Variants in WDR74 observed in about 807,000 individuals in gnomAD.
WDR74 encodes WD repeat domain 74.
In WDR74, 31 loss-of-function variants were observed where a neutral mutation model predicts 45.6. The ratio of observed to expected loss-of-function variants is 0.68; its 90% CI spans 0.51 to 0.92. WDR74 has a LOEUF of 0.92. Among genes scored for constraint, WDR74 ranks in the 40% least tolerant of loss-of-function variants. WDR74 has a pLI of 0.00. For missense variants in WDR74, 455 were observed against 497.2 expected, an observed-to-expected ratio of 0.92 and a Z score of 0.81; for synonymous variants, 191 against 192.4, an observed-to-expected ratio of 0.99 and a Z score of 0.06.
upstream of WDR74, among the ~76,000 whole-genome samples, chr11:62,840,989 C>G (rs1302307545): frequency 6.6e-6 from 1 of 151,750 alleles, no homozygotes; most frequent in African/African-American, 2.4e-5. Context: ...TCGAGACCAT[C>G]CTGGTTAACA....
intron 3 of WDR74, among the ~76,000 whole-genome samples, chr11:62,837,627 C>G (rs2084978909): frequency 6.6e-6 from 1 of 152,170 alleles, no homozygotes; most frequent in Non-Finnish European, 1.5e-5. Flanking sequence ...GCAGTACCCT[C>G]TTTCTAGAAT....
intron 8 of WDR74, 102 bp downstream of exon 8, chr11:62,834,174 C>A (rs2084922743): frequency 3.9e-6 from 6 of 1,549,744 alleles, no homozygotes; most frequent in Non-Finnish European, 5.3e-6. Flanking sequence ...GGCAATCTGG[C>A]ACCTGAATGA....
intron 10 of WDR74, 41 bp downstream of exon 10, chr11:62,833,577 C>A (rs1195201726): frequency 1.3e-6 from 2 of 1,550,884 alleles, no homozygotes; most frequent in African/African-American, 2.7e-5. Flanking sequence ...GTCCTCACAT[C>A]TATGCCCTTG....
intron 3 of WDR74, 194 bp from the exon 4 acceptor site, chr11:62,836,230 T>C: frequency 5.2e-6 from 3 of 582,456 alleles, no homozygotes; most frequent in South Asian, 2.1e-5. Flanking sequence ...TCTAGGTCAC[T>C]GGGCTCTAGG....
intron 3 of WDR74, among the ~76,000 whole-genome samples, chr11:62,837,704 T>TC (rs1400712834): frequency 3.3e-5 from 5 of 151,292 alleles, no homozygotes; most frequent in East Asian, 1.9e-4. Context: ...AGACATCCAG[T>TC]CCCCCCCACA....
upstream of WDR74, chr11:62,841,521 A>T (rs1176911285): frequency 2.0e-5 from 3 of 152,048 alleles, no homozygotes; most frequent in South Asian, 2.1e-4. Flanking sequence ...AGCGATAAAA[A>T]CACCTAATCC....
At chr11:62,835,905 C>A in intron 4 of WDR74, 56 bp downstream of exon 4, 1 of 1,585,258 alleles carries the variant, frequency 6.3e-7, no homozygotes, top group Non-Finnish European at 8.6e-7. Context: ...CCAGCGTGAT[C>A]ATTAGGCACC....
intron 3 of WDR74, among the ~76,000 whole-genome samples, chr11:62,838,713 G>A (rs2084996104): frequency 1.3e-5 from 2 of 150,532 alleles, no homozygotes; most frequent in South Asian, 4.2e-4. Flanking sequence ...AGCCGAGATC[G>A]CGCCACTGCA....
upstream of WDR74, chr11:62,841,672 G>T (rs568576572): frequency 1.3e-5 from 2 of 152,154 alleles, no homozygotes; most frequent in Admixed American, 1.3e-4. Context: ...GCGTGGAGTG[G>T]ACGGAGCAAG....
Position 62,832,941 on chromosome 11 carries a change from G to A in WDR74, c.*11C>T, listed in dbSNP as rs776383281. On this transcript the variant is annotated 3_prime_UTR_variant, in exon 11 of 11. Coordinates refer to ENST00000278856, the MANE Select transcript of WDR74 (RefSeq NM_001369450.1). ...GTTCAGCAGTTTATTTACAAAGTGG[G>A]CACAGGGGCGTCAGGGGCTGGTGGA... 11 of 1,594,422 alleles carry A rather than the reference G, an allele frequency of 6.9e-6. No homozygotes were observed. In the Admixed American group the frequency reaches 1.5e-4, roughly 21 times the overall value.
chr11:62,839,349 C>T lies in WDR74; in HGVS notation c.144G>A (p.Leu48=). ...QPRREEAVSA[L]CWGTGGETQM... is the part of the protein sequence containing the mutation. ...GGGTCTCGCCGCCGGTGCCCCAACACAGGGCGCTCACTGCCTCCTCGCGCC... is the reference window on the plus strand; with the variant it reads ...GGGTCTCGCCGCCGGTGCCCCAACATAGGGCGCTCACTGCCTCCTCGCGCC... The change falls in exon 2 of 11, where the codon CTG becomes CTA. Residue 48 remains leucine, a synonymous_variant. Coordinates refer to ENST00000278856, the MANE Select transcript of WDR74 (RefSeq NM_001369450.1). 1 of 1,611,730 alleles carries T rather than the reference C, an allele frequency of 6.2e-7. No homozygotes were observed. The highest frequency in any genetic ancestry group is 1.3e-5 in the African/African-American group (1 of 75,074).
intron 3 of WDR74, among the ~76,000 whole-genome samples, chr11:62,838,596 T>G (rs1023756329): frequency 1.3e-5 from 2 of 151,764 alleles, no homozygotes; most frequent in South Asian, 2.1e-4. Flanking sequence ...CCGTCTCTAC[T>G]AAAGATACAA....
upstream of WDR74, among the ~76,000 whole-genome samples, chr11:62,841,268 G>T (rs1352036727): frequency 6.6e-6 from 1 of 152,186 alleles, no homozygotes; most frequent in Non-Finnish European, 1.5e-5. Flanking sequence ...AGTGAGCTGA[G>T]ATCATGCCAT....
chr11:62,841,437 C>T (rs1056210035), upstream of WDR74: 5 of 152,232 alleles, frequency 3.3e-5, no homozygotes, highest in East Asian at 5.8e-4. Flanking sequence ...CATGGAGATA[C>T]TACGCTCCGT....
chr11:62,835,727 C>G lies in WDR74; in HGVS notation c.484G>C (p.Gly162Arg). Residue 162 changes from glycine (G) to arginine (R), a missense_variant, in exon 5 of 11, where the codon GGC becomes CGC. Transcript: ENST00000278856. ...ENALKIWDLQ[G>R]SEEPVFRAKN... The stretch of plus-strand genomic sequence containing the variant: ...GCCCTGAACACAGGTTCCTCAGAGC[C>G]CTGCAGGTCCCATATCTTCAAAGCA... 3 of 1,613,946 alleles carry G rather than the reference C, an allele frequency of 1.9e-6. No individual in the cohort carries two copies. Among genetic ancestry groups the G allele is most frequent in the African/African-American group, 1.3e-5 (1 of 75,020 alleles).
intron 6 of WDR74, 28 bp downstream of exon 6, chr11:62,835,403 A>G: frequency 6.2e-7 from 1 of 1,605,808 alleles, no homozygotes; most frequent in Non-Finnish European, 8.5e-7. Context: ...TTATCCCAGG[A>G]GAAGGCAGGT....
At position 62,835,783 on chromosome 11, in the gene WDR74, G is replaced by T. The variant is rs1326296201; in HGVS notation, c.428C>A (p.Pro143His). Residue 143 changes from proline to histidine, a missense_variant, in exon 5 of 11, where the codon CCC (proline) becomes CAC (histidine). Transcript: ENST00000278856. ...TTTCCCACCTGTGGCAACCACATGG[G>T]GGTGTGCTGGGTCTTGGCGCATCCT... ...VCRMRQDPAHPHVVATGGKEN... is the reference protein window; with the variant it reads ...VCRMRQDPAHHHVVATGGKEN... 2.5e-6 allele frequency: 4 copies of T among 1,613,610 alleles called. No individual in the cohort carries two copies. The highest frequency in any genetic ancestry group is 3.4e-6 in the Non-Finnish European group (4 of 1,179,800).
upstream of WDR74, chr11:62,841,677 A>G (rs569807524): frequency 2.2e-4 from 33 of 152,182 alleles, no homozygotes; most frequent in East Asian, 9.6e-4. Flanking sequence ...GAGTGGACGG[A>G]GCAAGCTCCT....
chr11:62,841,724 T>G (rs566008447), upstream of WDR74: 1 of 152,318 alleles, frequency 6.6e-6, no homozygotes, highest in African/African-American at 2.4e-5. Flanking sequence ...ATTTAATATA[T>G]TGTCCTCGGA....
Sources: allele counts gnomAD v4.1 joint callset (sites outside exome capture counted in the v4.1 genomes callset), GRCh38; gene constraint gnomAD v4.1.1; transcripts MANE v1.5; gene names NCBI Gene and HGNC (gene_info 2026-07-23, HGNC 2026-07-21).